Variants in FAM135B observed in about 807,000 individuals in gnomAD.
FAM135B encodes protein FAM135B.
Under a neutral mutation model 127.7 loss-of-function variants are expected in FAM135B, and 43 were observed. The observed-to-expected ratio is 0.34, with a 90% CI of 0.26 to 0.43. The LOEUF is 0.43. Ranked by LOEUF, FAM135B falls within the 20% of genes least tolerant of loss-of-function variation. The probability of loss-of-function intolerance (pLI) is 1.00; values close to 1 mark genes in which losing one functional copy is unlikely to be tolerated. For missense variants in FAM135B, 1,558 were observed against 1,725.6 expected (o/e 0.90, Z 1.72); for synonymous variants, 670 against 665.1 (o/e 1.01, Z -0.11).
intron 1 of FAM135B, among the ~76,000 whole-genome samples, chr8:138,387,163 G>C (rs1024253851): frequency 6.6e-6 from 1 of 152,148 alleles, no homozygotes; most frequent in Non-Finnish European, 1.5e-5. Flanking sequence ...CTAAATGATG[G>C]CAATTAACAT....
intron 1 of FAM135B, among the ~76,000 whole-genome samples, chr8:138,411,725 G>C (rs558016080): frequency 1.4e-4 from 21 of 152,084 alleles, no homozygotes; most frequent in Non-Finnish European, 2.6e-4. Flanking sequence ...GAAAATTTTC[G>C]CAACCTACTC....
chr8:138,325,387 A>T (rs1827734603), intron 2 of FAM135B, among the ~76,000 whole-genome samples: 1 of 152,124 alleles, frequency 6.6e-6, no homozygotes, highest in Admixed American at 6.6e-5. Flanking sequence ...TGTTTTGAAG[A>T]GCCAGTTTTT....
At chr8:138,195,169 C>T in intron 9 of FAM135B, 89 bp downstream of exon 9, 1 of 1,307,552 alleles carries the variant, frequency 7.6e-7, no homozygotes, top group South Asian at 1.2e-5. Flanking sequence ...TGTCTTTTCA[C>T]TTCTGTTTTT....
At chr8:138,214,457 G>A (rs1198302076) in intron 7 of FAM135B, among the ~76,000 whole-genome samples, 2 of 150,016 alleles carry the variant, frequency 1.3e-5, no homozygotes, top group Non-Finnish European at 2.9e-5. Context: ...ATGACTTTGG[G>A]TTCAAGATCT....
At chr8:138,382,231 T>A (rs1563954839) in intron 1 of FAM135B, among the ~76,000 whole-genome samples, 1 of 152,118 alleles carries the variant, frequency 6.6e-6, no homozygotes, top group East Asian at 1.9e-4. Context: ...GGACAAGATA[T>A]CAAGATACGG....
chr8:138,204,322 A>G (rs1232193947), intron 7 of FAM135B, among the ~76,000 whole-genome samples: 1 of 152,186 alleles, frequency 6.6e-6, no homozygotes, highest in East Asian at 1.9e-4. Flanking sequence ...ACTTTCTCCA[A>G]TCATCCCCTC....
chr8:138,468,263 G>A (rs1422758495), intron 1 of FAM135B, among the ~76,000 whole-genome samples: 1 of 152,122 alleles, frequency 6.6e-6, no homozygotes, highest in African/African-American at 2.4e-5. Flanking sequence ...ACCTAGTAAT[G>A]GAACATTTCC....
chr8:138,463,172 G>A (rs2131623339), intron 1 of FAM135B, among the ~76,000 whole-genome samples: 1 of 152,292 alleles, frequency 6.6e-6, no homozygotes, highest in East Asian at 1.9e-4. Context: ...GCTTCATCGG[G>A]TTCTGTTGCT....
intron 7 of FAM135B, among the ~76,000 whole-genome samples, chr8:138,226,078 C>A (rs527703707): frequency 6.6e-6 from 1 of 150,854 alleles, no homozygotes; most frequent in South Asian, 2.1e-4. Context: ...TCTTATATAA[C>A]AAGTCATCAA....
At chr8:138,183,857 G>A (rs1463901292) in intron 9 of FAM135B, among the ~76,000 whole-genome samples, 1 of 152,178 alleles carries the variant, frequency 6.6e-6, no homozygotes, top group Admixed American at 6.5e-5. Flanking sequence ...TTGGAGACAC[G>A]TTTTGCAGTT....
At chr8:138,295,105 T>TC (rs1454102697) in intron 3 of FAM135B, among the ~76,000 whole-genome samples, 1 of 6,148 alleles carries the variant, frequency 1.6e-4, no homozygotes, top group Non-Finnish European at 1.9e-3. Flanking sequence ...GCTGGTGCTT[T>TC]TTTTTTTTTT....
At chr8:138,411,844 T>C (rs1018609135) in intron 1 of FAM135B, among the ~76,000 whole-genome samples, 5 of 152,114 alleles carry the variant, frequency 3.3e-5, no homozygotes, top group African/African-American at 1.2e-4. Context: ...GTGGACTGAA[T>C]AAAGAAAATG....
intron 3 of FAM135B, among the ~76,000 whole-genome samples, chr8:138,298,814 G>C (rs1825658890): frequency 6.6e-6 from 1 of 152,054 alleles, no homozygotes; most frequent in Admixed American, 6.6e-5. Flanking sequence ...GGAGGGACAG[G>C]GGTATCAGGA....
chr8:138,446,650 T>C (rs1438534778), intron 1 of FAM135B, among the ~76,000 whole-genome samples: 1 of 151,972 alleles, frequency 6.6e-6, no homozygotes, highest in African/African-American at 2.4e-5. Flanking sequence ...ATACAAAAAT[T>C]AATTCAAGAT....
chr8:138,458,381 T>A (rs550459541), intron 1 of FAM135B, among the ~76,000 whole-genome samples: 1 of 152,264 alleles, frequency 6.6e-6, no homozygotes, highest in South Asian at 2.1e-4. Flanking sequence ...AAATGACACA[T>A]CAGAAGATGG....
intron 2 of FAM135B, among the ~76,000 whole-genome samples, chr8:138,327,159 G>A (rs1366542190): frequency 1.3e-5 from 2 of 152,084 alleles, no homozygotes; most frequent in Non-Finnish European, 1.5e-5. Context: ...TTCCTTTCAG[G>A]TACTCTGTAA....
At chr8:138,235,887 C>G (rs921339096) in intron 7 of FAM135B, among the ~76,000 whole-genome samples, 1 of 152,204 alleles carries the variant, frequency 6.6e-6, no homozygotes, top group Non-Finnish European at 1.5e-5. Context: ...ACTCCTCTGT[C>G]TGGGAAACCA....
intron 1 of FAM135B, among the ~76,000 whole-genome samples, chr8:138,478,752 G>C (rs370062381): frequency 3.6e-4 from 55 of 152,330 alleles, no homozygotes; most frequent in African/African-American, 1.3e-3. Context: ...GGTGAGTGTT[G>C]AGGAAGACAT....
At chr8:138,376,339 C>G (rs543436691) in intron 1 of FAM135B, among the ~76,000 whole-genome samples, 2 of 152,278 alleles carry the variant, frequency 1.3e-5, no homozygotes, top group East Asian at 3.9e-4. Flanking sequence ...ATCTCCGCCT[C>G]CAAAGCCATC....
Sources: gnomAD v4.1 joint callset for allele counts (sites outside exome capture counted in the v4.1 genomes callset) on GRCh38, gnomAD v4.1.1 for gene constraint, MANE v1.5 for transcripts, NCBI Gene and HGNC (gene_info 2026-07-23, HGNC 2026-07-21) for gene names.